Variants in STPG2 observed in about 807,000 individuals in gnomAD.
STPG2 encodes sperm-tail PG-rich repeat-containing protein 2.
STPG2 carries 56 observed loss-of-function variants against 54.2 expected under a neutral mutation model. The ratio of observed to expected loss-of-function variants is 1.03; its 90% CI spans 0.83 to 1.29. STPG2 has a LOEUF of 1.29. Among genes scored for constraint, STPG2 ranks in the 50% most tolerant of loss-of-function variants. The pLI, the probability that STPG2 is intolerant of heterozygous loss-of-function variation, is 0.00. For missense variants in STPG2, 596 were observed against 544.9 expected, an observed-to-expected ratio of 1.09 and a Z score of -0.93; for synonymous variants, 200 against 181.8, an observed-to-expected ratio of 1.10 and a Z score of -0.81.
rs139964347 is a variant in STPG2, at chr4:97,820,476, C to T, written c.1204+20297G>A. On this transcript the variant is annotated intron_variant, in intron 9 of 10. Transcript: ENST00000295268. Reference sequence around the variant, plus strand: ...AAAGCAAAAACGACAGTAGCTAGACCTCTTGCACCAAACAGTTACCCAAGT... The same window carrying T: ...AAAGCAAAAACGACAGTAGCTAGACTTCTTGCACCAAACAGTTACCCAAGT... 1.3e-3 allele frequency among the ~76,000 whole-genome samples: 198 copies of T among 152,236 alleles called. 1 individual carries two copies. Among genetic ancestry groups the T allele is most frequent in the African/African-American group, 4.6e-3 (191 of 41,546 alleles).
chr4:98,106,005 CAAT>C lies in STPG2; in HGVS notation c.557_559del (p.Tyr186del), dbSNP rs1449807390. 6 of 1,554,624 alleles carry C rather than the reference CAAT, an allele frequency of 3.9e-6. No individual in the cohort carries two copies. Among genetic ancestry groups the C allele is most frequent in the Non-Finnish European group, 5.3e-6 (6 of 1,134,470 alleles). On this transcript the variant is annotated inframe_deletion, in exon 5 of 11. Transcript: ENST00000295268. ...TTCATATAGTCGTGGGATAAATGAA[CAAT>C]AATTTTGTTGTTGATCTCTCTTGAT...
chr4:98,106,191 G>C, intron 4 of STPG2, 127 bp from the exon 5 acceptor site: 3 of 663,682 alleles, frequency 4.5e-6, no homozygotes, highest in Non-Finnish European at 6.7e-6. Context: ...AGATTATCTA[G>C]GTATATTAGA....
chr4:98,134,698 A>G (rs370234764), intron 1 of STPG2, among the ~76,000 whole-genome samples: 1 of 151,202 alleles, frequency 6.6e-6, no homozygotes, highest in Non-Finnish European at 1.5e-5. Flanking sequence ...CAAAAAAAAA[A>G]CTAAAGAAAA....
chr4:97,775,353 C>G (rs992942778), intron 9 of STPG2, among the ~76,000 whole-genome samples: 1 of 151,816 alleles, frequency 6.6e-6, no homozygotes, highest in Non-Finnish European at 1.5e-5. Flanking sequence ...GTGCTGCACC[C>G]GTTAACTTGT....
intron 10 of STPG2, among the ~76,000 whole-genome samples, chr4:97,616,314 G>T (rs1294387871): frequency 6.6e-6 from 1 of 151,478 alleles, no homozygotes; most frequent in Admixed American, 6.6e-5. Flanking sequence ...ATTAAGCAAT[G>T]TAACCTTAAT....
chr4:97,747,159 A>C (rs1725442484), intron 9 of STPG2, among the ~76,000 whole-genome samples: 1 of 151,392 alleles, frequency 6.6e-6, no homozygotes, highest in South Asian at 2.1e-4. Flanking sequence ...TAGTGGAGAC[A>C]GCAAGGGATA....
At chr4:97,955,437 G>A (rs993666839) in intron 7 of STPG2, among the ~76,000 whole-genome samples, 16 of 151,864 alleles carry the variant, frequency 1.1e-4, no homozygotes, top group South Asian at 2.1e-4. Flanking sequence ...AAATGGTCTC[G>A]ATCTCCTGAC....
chr4:97,709,834 T>C (rs1054706059), intron 10 of STPG2, among the ~76,000 whole-genome samples: 3 of 151,934 alleles, frequency 2.0e-5, no homozygotes, highest in Non-Finnish European at 2.9e-5. Flanking sequence ...TAAATGAATA[T>C]ACACATATTC....
intron 9 of STPG2, among the ~76,000 whole-genome samples, chr4:97,780,320 A>G (rs1429551766): frequency 2.1e-4 from 6 of 28,584 alleles, no homozygotes; most frequent in African/African-American, 9.2e-4. Flanking sequence ...AACAAAGATC[A>G]AAAGACACAA....
At chr4:97,924,423 T>C (rs1416379740) in intron 8 of STPG2, among the ~76,000 whole-genome samples, 1 of 152,208 alleles carries the variant, frequency 6.6e-6, no homozygotes, top group Non-Finnish European at 1.5e-5. Context: ...AATGGGAAGG[T>C]CATTAGTACA....
intron 4 of STPG2, among the ~76,000 whole-genome samples, chr4:97,509,955 C>A (rs1326777132): frequency 6.6e-6 from 1 of 151,996 alleles, no homozygotes; most frequent in African/African-American, 2.4e-5. Flanking sequence ...CCCCCACCAA[C>A]CCTCCCACCC....
intron 4 of STPG2, among the ~76,000 whole-genome samples, chr4:97,485,501 G>A (rs1730331481): frequency 6.6e-6 from 1 of 151,584 alleles, no homozygotes; most frequent in African/African-American, 2.4e-5. Context: ...CTTAACTAAG[G>A]AGGCAAAAGA....
At chr4:97,634,009 G>T (rs186122305) in intron 10 of STPG2, among the ~76,000 whole-genome samples, 6 of 152,244 alleles carry the variant, frequency 3.9e-5, no homozygotes, top group East Asian at 3.9e-4. Context: ...GGAGGCCTGC[G>T]TGCCTCTCTA....
intron 3 of STPG2, among the ~76,000 whole-genome samples, chr4:98,127,215 C>T (rs1739856511): frequency 6.6e-6 from 1 of 152,034 alleles, no homozygotes; most frequent in African/African-American, 2.4e-5. Flanking sequence ...TAAAATAAAG[C>T]TCATTCCAAT....
At chr4:97,736,411 C>T (rs1195844826) in intron 9 of STPG2, among the ~76,000 whole-genome samples, 2 of 152,296 alleles carry the variant, frequency 1.3e-5, no homozygotes, top group South Asian at 2.1e-4. Context: ...CGAGGCATTG[C>T]CTCACTCAGG....
intron 10 of STPG2, among the ~76,000 whole-genome samples, chr4:97,563,941 C>T: frequency 6.6e-6 from 1 of 152,174 alleles, no homozygotes; most frequent in East Asian, 1.9e-4. Context: ...CTGTAGATGT[C>T]TACTAGGTCT....
intron 5 of STPG2, among the ~76,000 whole-genome samples, chr4:98,050,081 T>C (rs1158666556): frequency 6.6e-6 from 1 of 152,170 alleles, no homozygotes. Flanking sequence ...TTAAGAACTA[T>C]ATCAACCAAT....
At chr4:98,004,970 T>TAAAAA (rs70953102) in intron 5 of STPG2, among the ~76,000 whole-genome samples, 34,108 of 141,486 alleles carry the variant, frequency 0.24, 4,234 homozygotes, top group South Asian at 0.32. Context: ...TCTTTGCTGT[T>TAAAAA]AAAAAAAAAA....
rs372964222 is a variant in STPG2 at position 98,128,451 on chromosome 4, G to A, written c.364C>T (p.Pro122Ser). The part of the protein sequence containing the change: ...FPPACDSTLG[P>S]AYYKPQFDVS... Reference sequence around the variant, plus strand: ...ACAAATTGAGGTTTGTAGTATGCTGGACCAAGTGTACTGTCACAAGCAGGT... The same window carrying A: ...ACAAATTGAGGTTTGTAGTATGCTGAACCAAGTGTACTGTCACAAGCAGGT... The change falls in exon 3 of 11, where the codon CCA (proline) becomes TCA (serine). Residue 122 changes from proline to serine, a missense_variant. Transcript: ENST00000295268. 6.2e-7 allele frequency: 1 copy of A among 1,610,136 alleles called. No individual in the cohort carries two copies. Among genetic ancestry groups the A allele is most frequent in the Admixed American group, 1.7e-5 (1 of 59,298 alleles).
Sources: allele counts gnomAD v4.1 joint callset (sites outside exome capture counted in the v4.1 genomes callset), GRCh38; gene constraint gnomAD v4.1.1; transcripts MANE v1.5; gene names NCBI Gene and HGNC (gene_info 2026-07-23, HGNC 2026-07-21).